FAM151B: variants seen among roughly 807,000 people sequenced by gnomAD.
FAM151B encodes family with sequence similarity 151 member B.
In FAM151B, 24 loss-of-function variants were observed where a neutral mutation model predicts 31.2. The ratio of observed to expected loss-of-function variants is 0.77; its 90% CI spans 0.56 to 1.08. FAM151B has a LOEUF of 1.08. FAM151B is among the 50% of genes least tolerant of loss of function. FAM151B has a pLI of 0.00. For missense variants in FAM151B, 293 were observed against 328.6 expected (o/e 0.89, Z 0.84); for synonymous variants, 105 against 111.4 (o/e 0.94, Z 0.36).
At chr5:80,505,295 C>T (rs189067391) in intron 2 of FAM151B, among the ~76,000 whole-genome samples, 1 of 152,228 alleles carries the variant, frequency 6.6e-6, no homozygotes, top group Admixed American at 6.5e-5. Context: ...GCACCACACC[C>T]AGCCATTTTG....
chr5:80,489,611 A>C (rs1021852165), intron 1 of FAM151B, among the ~76,000 whole-genome samples: 1 of 152,222 alleles, frequency 6.6e-6, no homozygotes, highest in Non-Finnish European at 1.5e-5. Flanking sequence ...CCAATTGCTG[A>C]CAAATGCCAT....
intron 3 of FAM151B, among the ~76,000 whole-genome samples, chr5:80,515,341 G>A (rs1269465625): frequency 6.6e-6 from 1 of 152,172 alleles, no homozygotes; most frequent in African/African-American, 2.4e-5. Context: ...GTTCCAGAGA[G>A]GTTAAGTGAT....
At chr5:80,504,718 C>T (rs1300682346) in intron 2 of FAM151B, among the ~76,000 whole-genome samples, 4 of 151,912 alleles carry the variant, frequency 2.6e-5, no homozygotes, top group Admixed American at 6.6e-5. Context: ...TGGGGTTTCA[C>T]CATGTTGGCT....
In FAM151B at chr5:80,525,459, C is replaced by A. The variant is rs183395261; in HGVS notation, c.671+3321C>A. ...CGAAGTTTCAGTTCTTGACAGCATA[C>A]CTGTTCAAAGAACAGGCTAAGTGTT... On this transcript the variant is annotated intron_variant, in intron 5 of 5. Coordinates refer to ENST00000282226, the MANE Select transcript of FAM151B (RefSeq NM_205548.3). Among the ~76,000 whole-genome samples, 361 of 152,240 alleles carry A rather than the reference C, an allele frequency of 2.4e-3. 4 individuals are homozygous for A. The highest frequency in any genetic ancestry group is 0.021 in the Admixed American group (328 of 15,280).
chr5:80,538,441 T>TC (rs1561383444), intron 5 of FAM151B, among the ~76,000 whole-genome samples: 7 of 52,364 alleles, frequency 1.3e-4, no homozygotes, highest in African/African-American at 3.8e-4. Flanking sequence ...TCTTTCTTTC[T>TC]TTCTTTCTCT....
intron 5 of FAM151B, among the ~76,000 whole-genome samples, chr5:80,526,343 CAT>C (rs929393899): frequency 2.0e-5 from 3 of 151,774 alleles, no homozygotes; most frequent in African/African-American, 4.8e-5. Context: ...CACAGTGTCT[CAT>C]GTGTGTAATC....
In FAM151B at chr5:80,534,082, C is replaced by T. The variant is rs546769285; in HGVS notation, c.672-7591C>T. 4.7e-4 allele frequency among the ~76,000 whole-genome samples: 71 copies of T among 152,066 alleles called. 1 individual carries two copies. The highest frequency in any genetic ancestry group is 6.5e-4 in the Non-Finnish European group (44 of 67,978). ...TGAAGAGATCTAAAATCTGAACAGA[C>T]CAATAACAAGTAATGAGATTGAAGC... On this transcript the variant is annotated intron_variant, in intron 5 of 5. Coordinates refer to ENST00000282226, the MANE Select transcript of FAM151B (RefSeq NM_205548.3).
At position 80,513,644 on chromosome 5, in the gene FAM151B, T is replaced by C. The variant is rs918657918; in HGVS notation, c.192T>C (p.Ser64=). Residue 64 remains serine (S), a synonymous_variant, in exon 3 of 6, where the codon AGT becomes AGC. Coordinates refer to ENST00000282226, the MANE Select transcript of FAM151B (RefSeq NM_205548.3). The stretch of plus-strand genomic sequence containing the variant: ...TAGAGGCTGATGTCCTTCTTCCAAG[T>C]GATGGATCAGAACACAGCCAGCCAA... ...HMIEADVLLP[S]DGSEHSQPIM... 2 of 1,614,048 alleles carry C rather than the reference T, an allele frequency of 1.2e-6. No homozygotes were observed. The highest frequency in any genetic ancestry group is 1.7e-6 in the Non-Finnish European group (2 of 1,179,998).
intron 2 of FAM151B, among the ~76,000 whole-genome samples, chr5:80,503,960 G>A (rs1441631086): frequency 6.6e-6 from 1 of 152,096 alleles, no homozygotes; most frequent in Non-Finnish European, 1.5e-5. Context: ...CACAGGCTAT[G>A]GATGGAAGAC....
chr5:80,526,329 C>T (rs1302398205), intron 5 of FAM151B, among the ~76,000 whole-genome samples: 1 of 151,902 alleles, frequency 6.6e-6, no homozygotes, highest in Non-Finnish European at 1.5e-5. Flanking sequence ...CTTTCAGGGC[C>T]AGGCACAGTG....
intron 3 of FAM151B, among the ~76,000 whole-genome samples, chr5:80,519,471 C>G (rs1744604564): frequency 6.6e-6 from 1 of 152,128 alleles, no homozygotes; most frequent in African/African-American, 2.4e-5. Context: ...TATTTATAGA[C>G]TCTTTAAGGT....
At chr5:80,515,440 G>A (rs1202794432) in intron 3 of FAM151B, among the ~76,000 whole-genome samples, 1 of 152,090 alleles carries the variant, frequency 6.6e-6, no homozygotes, top group African/African-American at 2.4e-5. Flanking sequence ...TCTATATCAT[G>A]AAATAAAGCA....
At chr5:80,525,587 A>T (rs1172994763) in intron 5 of FAM151B, among the ~76,000 whole-genome samples, 3 of 152,250 alleles carry the variant, frequency 2.0e-5, no homozygotes, top group Admixed American at 2.0e-4. Flanking sequence ...AGGGTGGAGG[A>T]TCTTCTCCAA....
At chr5:80,538,252 G>A (rs560655405) in intron 5 of FAM151B, among the ~76,000 whole-genome samples, 17 of 151,628 alleles carry the variant, frequency 1.1e-4, no homozygotes, top group Non-Finnish European at 2.2e-4. Context: ...TATTTTTAGT[G>A]GAGATGGGGT....
intron 1 of FAM151B, among the ~76,000 whole-genome samples, chr5:80,494,465 TTTC>T (rs537378886): frequency 0.3 from 22,980 of 76,510 alleles, 3,249 homozygotes; most frequent in Admixed American, 0.32. Context: ...CTTTTCTTTC[TTTC>T]TTTCTTTCTT....
At chr5:80,526,774 A>G (rs191970640) in intron 5 of FAM151B, among the ~76,000 whole-genome samples, 1 of 152,158 alleles carries the variant, frequency 6.6e-6, no homozygotes, top group Non-Finnish European at 1.5e-5. Flanking sequence ...TTCTCAAGGT[A>G]TTATCAGTAG....
chr5:80,501,682 A>G, intron 1 of FAM151B, 110 bp from the exon 2 acceptor site: 2 of 680,662 alleles, frequency 2.9e-6, no homozygotes, highest in South Asian at 2.2e-5. Flanking sequence ...CTATATATAT[A>G]TATCACATAA....
intron 1 of FAM151B, among the ~76,000 whole-genome samples, chr5:80,490,770 G>A (rs1047896903): frequency 6.6e-6 from 1 of 152,164 alleles, no homozygotes; most frequent in Non-Finnish European, 1.5e-5. Context: ...GGCCAAAAAA[G>A]GAATTGCATG....
At chr5:80,510,923 G>A (rs887795208) in intron 2 of FAM151B, 2 of 152,178 alleles carry the variant, frequency 1.3e-5, no homozygotes, top group African/African-American at 2.4e-5. Context: ...GTGCATGGTC[G>A]GATAAGAAGA....
Sources: allele counts gnomAD v4.1 joint callset (sites outside exome capture counted in the v4.1 genomes callset), GRCh38; gene constraint gnomAD v4.1.1; transcripts MANE v1.5; gene names NCBI Gene and HGNC (gene_info 2026-07-23, HGNC 2026-07-21).